Variants in PTPRU observed in about 807,000 individuals in gnomAD.
The protein encoded by PTPRU is protein tyrosine phosphatase receptor type U, also known as receptor-type tyrosine-protein phosphatase U.
A neutral mutation model predicts 166.3 loss-of-function variants in PTPRU; 69 were observed. That is an observed-to-expected ratio of 0.41 (90% CI 0.34 to 0.51). The LOEUF (loss-of-function observed/expected upper bound fraction) is 0.51, where lower values mean the gene tolerates loss of function less well. Among genes scored for constraint, PTPRU ranks in the 20% least tolerant of loss-of-function variants. The pLI, the probability that PTPRU is intolerant of heterozygous loss-of-function variation, is 0.09. For synonymous variants in PTPRU, 793 were observed against 814.0 expected (o/e 0.97, Z 0.44); for missense variants, 1,657 against 2,013.7 (o/e 0.82, Z 3.39).
chr1:29,279,056 G>A lies in PTPRU; in HGVS notation c.1498G>A (p.Glu500Lys), dbSNP rs1444645432. ...AAESLTFTPL[E>K]DMIFLKWEEP... ...CGAGTCCCTGACCTTCACTCCACTGGAGGACATGATCTTCCTCAAGTGGGA... is the reference window on the plus strand; with the variant it reads ...CGAGTCCCTGACCTTCACTCCACTGAAGGACATGATCTTCCTCAAGTGGGA... The change falls in exon 9 of 30, where the codon GAG (glutamate) becomes AAG (lysine). Residue 500 changes from glutamate (E) to lysine (K), a missense_variant. By Grantham distance (56) the Glu-to-Lys change is moderately conservative. Around this residue, in one of 3 missense-constraint regions of PTPRU, gnomAD observed 1,190 missense variants for 1,477.4 expected, o/e 0.81. Coordinates refer to ENST00000373779, the MANE Select transcript of PTPRU (RefSeq NM_133178.4). The surrounding 1 kb of genome is among the most constrained non-coding windows in gnomAD (Gnocchi z 5.2). 1 of 1,594,094 alleles carries A rather than the reference G, an allele frequency of 6.3e-7. No homozygotes were observed. Among genetic ancestry groups the A allele is most frequent in the African/African-American group, 1.3e-5 (1 of 74,610 alleles).
At position 29,309,608 on chromosome 1, in the gene PTPRU, A is replaced by G. The variant is rs867985354; in HGVS notation, c.2821-1136A>G. Among the ~76,000 whole-genome samples, 5 of 152,270 alleles carry G rather than the reference A, an allele frequency of 3.3e-5. No individual in the cohort carries two copies. The South Asian group carries it at 1.0e-3, about 32-fold the overall frequency. On this transcript the variant is annotated intron_variant, in intron 18 of 29. Coordinates refer to ENST00000373779, the MANE Select transcript of PTPRU (RefSeq NM_133178.4). ...GACTTTGTGCTAGACACAGTGGCAG[A>G]CATTTAACATACTACTTTATTTGCT...
At position 29,259,341 on chromosome 1, in the gene PTPRU, C is replaced by T. The variant is rs1395916535; in HGVS notation, c.558C>T (p.Cys186=). 2.5e-6 allele frequency: 4 copies of T among 1,613,828 alleles called. No homozygotes were observed. The highest frequency in any genetic ancestry group is 1.7e-5 in the Admixed American group (1 of 60,012). The change falls in exon 4 of 30, where the codon TGC becomes TGT. Residue 186 remains cysteine (C), a splice_region_variant and synonymous_variant. Coordinates refer to ENST00000373779, the MANE Select transcript of PTPRU (RefSeq NM_133178.4). ...LDDILLLSYP[C]AKAPHFSRLG... ...ACATCCTGCTTCTCAGCTACCCCTG[C>T]GGTGAGTCCCAGCCCACTGGGGGCG...
At chr1:29,273,590 A>G (rs1685668869) in intron 7 of PTPRU, among the ~76,000 whole-genome samples, 1 of 151,576 alleles carries the variant, frequency 6.6e-6, no homozygotes, top group African/African-American at 2.4e-5. Flanking sequence ...TTTTGTAGAG[A>G]TTGTGTCTTG....
At position 29,255,259 on chromosome 1, in the gene PTPRU, G is replaced by C. The variant is rs1558551537; in HGVS notation, c.74-16G>C. 6.2e-7 allele frequency: 1 copy of C among 1,611,892 alleles called. No homozygotes were observed. On this transcript the variant is annotated splice_polypyrimidine_tract_variant and intron_variant, in intron 1 of 29. Coordinates refer to ENST00000373779, the MANE Select transcript of PTPRU (RefSeq NM_133178.4). ...GCCCTGCCTTAGCCTGGGCTAACCA[G>C]GCCCTGCTCTCACAGCTGGCTGCAC...
In PTPRU at chr1:29,311,608, A is replaced by G; in HGVS notation, c.2956-35A>G. 1 of 1,614,028 alleles carries G rather than the reference A, an allele frequency of 6.2e-7. No homozygotes were observed. Among genetic ancestry groups the G allele is most frequent in the Non-Finnish European group, 8.5e-7 (1 of 1,179,872 alleles). On this transcript the variant is annotated intron_variant, in intron 20 of 29. Transcript: ENST00000373779. The surrounding 1 kb of genome is among the most constrained non-coding windows in gnomAD (Gnocchi z 4.1). ...GCATGGCAGGCCAAGGGGGCAGCAA[A>G]GAGCCCACTGAGTCCCGTCCTGTGG...
intron 7 of PTPRU, among the ~76,000 whole-genome samples, chr1:29,269,261 T>TTTTTTC: frequency 8.5e-6 from 1 of 117,970 alleles, no homozygotes; most frequent in Non-Finnish European, 1.8e-5. Context: ...TTTTTTTTTT[T>TTTTTTC]TTTTTTTTTT....
intron 15 of PTPRU, among the ~76,000 whole-genome samples, chr1:29,299,454 A>G (rs1687042340): frequency 6.6e-6 from 1 of 152,180 alleles, no homozygotes; most frequent in South Asian, 2.1e-4. Context: ...GGGCCCAGGA[A>G]TTGGAGGGTC....
At chr1:29,296,504 CTT>C (rs1156864962) in intron 15 of PTPRU, among the ~76,000 whole-genome samples, 3 of 135,750 alleles carry the variant, frequency 2.2e-5, no homozygotes, top group African/African-American at 2.7e-5. Flanking sequence ...CCTTTCCTTT[CTT>C]TTTTTTTTTT....
chr1:29,320,897 C>G lies in PTPRU; in HGVS notation c.3828+72C>G. 7.1e-7 allele frequency: 1 copy of G among 1,403,672 alleles called. No individual in the cohort carries two copies. Among genetic ancestry groups the G allele is most frequent in the South Asian group, 1.7e-5 (1 of 57,424 alleles). The allele number at this position is 1,403,672 out of a possible 1,614,324, so 87.0% of individuals were successfully genotyped here. A position where few individuals can be genotyped will look rare whatever the true frequency, so the allele number is the denominator to read the frequency against. On this transcript the variant is annotated intron_variant, in intron 26 of 29. Coordinates refer to ENST00000373779, the MANE Select transcript of PTPRU (RefSeq NM_133178.4). The surrounding 1 kb of genome is among the most constrained non-coding windows in gnomAD (Gnocchi z 5.2). Reference sequence around the variant, plus strand: ...CTCTGTGTATTCAGGGCCATGGTCCCCAAAGCCAAAAGTTGGGTCCCAGCT... The same window carrying G: ...CTCTGTGTATTCAGGGCCATGGTCCGCAAAGCCAAAAGTTGGGTCCCAGCT...
intron 14 of PTPRU, among the ~76,000 whole-genome samples, chr1:29,290,875 G>T (rs962044864): frequency 1.3e-5 from 2 of 152,374 alleles, no homozygotes; most frequent in East Asian, 3.9e-4. Flanking sequence ...GATCGGGTTG[G>T]TTTGTTTCTG....
At chr1:29,290,807 T>C (rs894205916) in intron 14 of PTPRU, among the ~76,000 whole-genome samples, 1 of 152,276 alleles carries the variant, frequency 6.6e-6, no homozygotes, top group African/African-American at 2.4e-5. Flanking sequence ...TAATCTCACA[T>C]TGAGCTCAGC....
rs1376734351 is a variant in PTPRU, at chr1:29,320,547, C to T, written c.3688-138C>T. The T allele has an allele frequency of 3.9e-6, 4 of 1,020,810 alleles. No homozygotes were observed. In the South Asian group the frequency reaches 7.3e-5, roughly 19 times the overall value. 63.2% of individuals were successfully genotyped at this position (1,020,810 alleles called of 1,614,324 possible). A position where few individuals can be genotyped will look rare whatever the true frequency, so the allele number is the denominator to read the frequency against. On this transcript the variant is annotated intron_variant, in intron 25 of 29. Coordinates refer to ENST00000373779, the MANE Select transcript of PTPRU (RefSeq NM_133178.4). The surrounding 1 kb of genome is among the most constrained non-coding windows in gnomAD (Gnocchi z 5.2). ...TGTGCCAACCAACATCAGAAATGGC[C>T]CACTGGAGGCAGCCTGGTCCTGTGG...
rs1683911425 is a variant in PTPRU, at chr1:29,238,922, C to T, written c.73+2205C>T. Among the ~76,000 whole-genome samples, 1 of 152,194 alleles carries T rather than the reference C, an allele frequency of 6.6e-6. No individual in the cohort carries two copies. Among genetic ancestry groups the T allele is most frequent in the Non-Finnish European group, 1.5e-5 (1 of 68,028 alleles). On this transcript the variant is annotated intron_variant, in intron 1 of 29. Coordinates refer to ENST00000373779, the MANE Select transcript of PTPRU (RefSeq NM_133178.4). The surrounding 1 kb of genome is among the most constrained non-coding windows in gnomAD (Gnocchi z 6.1). ...TTGATGCCTCAGTTTCCTCTTCTGCCTCATAGCCATCATGATAATGGTGTA... is the reference window on the plus strand; with the variant it reads ...TTGATGCCTCAGTTTCCTCTTCTGCTTCATAGCCATCATGATAATGGTGTA...
At chr1:29,270,268 C>T (rs1241656116) in intron 7 of PTPRU, among the ~76,000 whole-genome samples, 1 of 152,094 alleles carries the variant, frequency 6.6e-6, no homozygotes, top group Non-Finnish European at 1.5e-5. Context: ...GTAACTCTCA[C>T]ATTTGCTCTT....
At chr1:29,287,596 T>G (rs77846574) in intron 14 of PTPRU, among the ~76,000 whole-genome samples, 1 of 149,882 alleles carries the variant, frequency 6.7e-6, no homozygotes, top group Admixed American at 6.6e-5. Flanking sequence ...TATGTATGTT[T>G]TTTTTTTTTT....
intron 15 of PTPRU, among the ~76,000 whole-genome samples, chr1:29,302,844 C>T (rs1419182860): frequency 1.3e-5 from 2 of 152,132 alleles, no homozygotes; most frequent in Admixed American, 1.3e-4. Context: ...CCACCACACC[C>T]GGCCCATTTA....
In PTPRU at chr1:29,314,287, G is replaced by A. The variant is rs115017472; in HGVS notation, c.3228-1085G>A. 1.5e-3 allele frequency among the ~76,000 whole-genome samples: 224 copies of A among 152,342 alleles called. 1 individual carries two copies. The highest frequency in any genetic ancestry group is 3.3e-3 in the Admixed American group (51 of 15,302). ...GTACGTAGGAGTAGAACTGTTATCT[G>A]TGTGAACGTTCAGCTTTAGGAGATA... On this transcript the variant is annotated intron_variant, in intron 22 of 29. Transcript: ENST00000373779.
intron 28 of PTPRU, among the ~76,000 whole-genome samples, chr1:29,324,877 A>G (rs1472154411): frequency 1.4e-5 from 2 of 139,804 alleles, no homozygotes; most frequent in South Asian, 2.2e-4. Flanking sequence ...TTAGTTTCCT[A>G]GCCCCGCCCC....
At position 29,243,562 on chromosome 1, in the gene PTPRU, C is replaced by T. The variant is rs533346173; in HGVS notation, c.73+6845C>T. 7.9e-5 allele frequency among the ~76,000 whole-genome samples: 12 copies of T among 152,382 alleles called. No homozygotes were observed. The East Asian group carries it at 1.7e-3, about 22-fold the overall frequency. On this transcript the variant is annotated intron_variant, in intron 1 of 29. Transcript: ENST00000373779. ...GTGGGGGATCTACCTACTTGTTCAG[C>T]CTTCACAGTTCAGCTCCATTGTCAC... is the stretch of plus-strand genomic sequence containing the variant.
Sources: gnomAD v4.1 joint callset for allele counts (sites outside exome capture counted in the v4.1 genomes callset) on GRCh38, gnomAD v4.1.1 for gene constraint, gnomAD v4.1.1 regional missense constraint, Gnocchi (gnomAD v3.1) non-coding constraint, MANE v1.5 for transcripts, NCBI Gene and HGNC (gene_info 2026-07-23, HGNC 2026-07-21) for gene names.